The following RAPGEF1 variants were observed in gnomAD, a reference collection of about 807,000 sequenced individuals.
RAPGEF1 encodes the protein CRK SH3-binding GNRP.
RAPGEF1 carries 33 observed loss-of-function variants against 143.3 expected under a neutral mutation model. That is an observed-to-expected ratio of 0.23 (90% confidence interval 0.17 to 0.31). The LOEUF is 0.31. RAPGEF1 is among the 10% of genes least tolerant of loss of function. The pLI is 1.00. For synonymous variants in RAPGEF1, 629 were observed against 676.5 expected (o/e 0.93, Z 1.09); for missense variants, 1,199 against 1,645.4 (o/e 0.73, Z 4.69).
intron 12 of RAPGEF1, among the ~76,000 whole-genome samples, 156 bp downstream of exon 12, chr9:131,618,895 G>T (rs1178394204): frequency 6.6e-6 from 1 of 152,204 alleles, no homozygotes; most frequent in East Asian, 1.9e-4. Context: ...TAAGGCCCCA[G>T]AGAACCAACC....
In RAPGEF1 at chr9:131,739,946, G is replaced by T; in HGVS notation, c.-116C>A. On this transcript the variant is annotated 5_prime_UTR_variant, in exon 1 of 27. Coordinates refer to ENST00000683357, the MANE Select transcript of RAPGEF1 (RefSeq NM_001377935.1). ...GCATGGCGGGCTCCGCGCGGCCGCG[G>T]CCCTGCGCTCGGCGACCGCGCTCCA... 1.8e-6 allele frequency: 1 copy of T among 569,754 alleles called. No individual in the cohort carries two copies. Among genetic ancestry groups the T allele is most frequent in the Non-Finnish European group, 2.2e-6 (1 of 453,580 alleles). The allele number at this position is 569,754 out of a possible 1,614,324, so 35.3% of individuals were successfully genotyped here.
In RAPGEF1 at chr9:131,625,795, C is replaced by T. The variant is rs574064654; in HGVS notation, c.1702+127G>A. The T allele has an allele frequency of 3.1e-6, 4 of 1,296,140 alleles. No individual in the cohort carries two copies. In the South Asian group the frequency reaches 4.7e-5, roughly 15 times the overall value. The allele number at this position is 1,296,140 out of a possible 1,614,324, so 80.3% of individuals were successfully genotyped here. A position where few individuals can be genotyped will look rare whatever the true frequency, so the allele number is the denominator to read the frequency against. On this transcript the variant is annotated intron_variant, in intron 10 of 26. Coordinates refer to ENST00000683357, the MANE Select transcript of RAPGEF1 (RefSeq NM_001377935.1). ...CTGGCTCCCAGAAGTGTCCACATAC[C>T]TGGCTGGCCTATCTTTTATGAAATA...
chr9:131,627,888 G>A, intron 9 of RAPGEF1, 25 bp downstream of exon 9: 1 of 1,566,608 alleles, frequency 6.4e-7, no homozygotes, highest in Non-Finnish European at 8.6e-7. Context: ...AGACACGATG[G>A]AACAGGAGGA....
At chr9:131,594,414 CCTT>C (rs1954883740) in intron 17 of RAPGEF1, among the ~76,000 whole-genome samples, 1 of 152,214 alleles carries the variant, frequency 6.6e-6, no homozygotes, top group African/African-American at 2.4e-5. Flanking sequence ...GCTGACCTGA[CCTT>C]CTCCCATGCA....
chr9:131,732,642 C>T (rs1837154412), intron 1 of RAPGEF1, among the ~76,000 whole-genome samples: 1 of 152,144 alleles, frequency 6.6e-6, no homozygotes, highest in South Asian at 2.1e-4. Flanking sequence ...TAACTGCACA[C>T]CACTGATCAG....
In RAPGEF1 at chr9:131,625,979, C is replaced by G; in HGVS notation, c.1645G>C (p.Glu549Gln). The part of the protein sequence containing the change: ...VEFVGDFTAP[E>Q]STGDPEKPPP... ...GGTTTTTCTGGGTCACCGGTTGACT[C>G]AGGAGCAGTAAAATCACCCACAAAT... Residue 549 changes from glutamate (E) to glutamine (Q), a missense_variant, in exon 10 of 27, where the codon GAG becomes CAG. Physicochemically the swap from Glu to Gln is conservative, Grantham distance 29. Around this residue, in one of 6 missense-constraint regions of RAPGEF1, gnomAD observed 613 missense variants for 710.9 expected, o/e 0.86. Transcript: ENST00000683357. 6.2e-7 allele frequency: 1 copy of G among 1,605,884 alleles called. No homozygotes were observed. Among genetic ancestry groups the G allele is most frequent in the Admixed American group, 1.7e-5 (1 of 59,858 alleles).
At chr9:131,698,592 G>A (rs538350501) in intron 1 of RAPGEF1, among the ~76,000 whole-genome samples, 1 of 152,238 alleles carries the variant, frequency 6.6e-6, no homozygotes, top group Non-Finnish European at 1.5e-5. Flanking sequence ...TTAGAAGGGC[G>A]GGTAGAAGGA....
intron 1 of RAPGEF1, among the ~76,000 whole-genome samples, chr9:131,693,129 A>G (rs973415006): frequency 3.3e-5 from 5 of 152,196 alleles, no homozygotes; most frequent in African/African-American, 9.7e-5. Flanking sequence ...TGAATGGTAA[A>G]TGTTCTCTCT....
intron 1 of RAPGEF1, among the ~76,000 whole-genome samples, chr9:131,680,844 G>A (rs1175355543): frequency 2.6e-5 from 4 of 152,112 alleles, no homozygotes; most frequent in African/African-American, 7.2e-5. Context: ...TTCCTCTAGC[G>A]CCTCTGGGTT....
chr9:131,592,167 G>A lies in RAPGEF1; in HGVS notation c.2706C>T (p.Cys902=), dbSNP rs759382126. ...ETDRKDLVLY[C]EAFLTTYRTF... The stretch of plus-strand genomic sequence containing the variant: ...TCCTGTAGGTGGTCAGGAATGCCTC[G>A]CAGTACAACACCAAATCTAGAGGGA... Residue 902 remains cysteine (C), a synonymous_variant, in exon 18 of 27, where the codon TGC becomes TGT. Coordinates refer to ENST00000683357, the MANE Select transcript of RAPGEF1 (RefSeq NM_001377935.1). The A allele has an allele frequency of 6.9e-6, 11 of 1,599,256 alleles. No homozygotes were observed. Among genetic ancestry groups the A allele is most frequent in the Admixed American group, 1.7e-5 (1 of 58,108 alleles).
chr9:131,633,825 A>C (rs1026982134), intron 5 of RAPGEF1, among the ~76,000 whole-genome samples: 4 of 152,230 alleles, frequency 2.6e-5, no homozygotes, highest in Non-Finnish European at 4.4e-5. Flanking sequence ...AAATGTGCAC[A>C]TATCTGGCTA....
At chr9:131,620,405 T>C (rs1394498459) in intron 11 of RAPGEF1, among the ~76,000 whole-genome samples, 1 of 152,136 alleles carries the variant, frequency 6.6e-6, no homozygotes, top group Admixed American at 6.5e-5. Flanking sequence ...CACTCCTGGC[T>C]CTCGGCAACA....
Position 131,628,132 on chromosome 9 carries a change from T to C in RAPGEF1, c.1018-36A>G. 6.7e-7 allele frequency: 1 copy of C among 1,484,976 alleles called. No homozygotes were observed. The highest frequency in any genetic ancestry group is 9.0e-7 in the Non-Finnish European group (1 of 1,113,406). 92.0% of individuals were successfully genotyped at this position (1,484,976 alleles called of 1,614,324 possible). ...AAAAGAAAAACAAAGCCAAATCACTTCTGAGAAACGGTGGCACAGACCAGG... is the reference window on the plus strand; with the variant it reads ...AAAAGAAAAACAAAGCCAAATCACTCCTGAGAAACGGTGGCACAGACCAGG... On this transcript the variant is annotated intron_variant, in intron 8 of 26. Transcript: ENST00000683357. This position sits in a 1 kb window ranked among gnomAD's most constrained non-coding sequence, Gnocchi z 5.7.
intron 22 of RAPGEF1, among the ~76,000 whole-genome samples, chr9:131,587,077 CACACACCTGCAGAGCGAGACTCCGTCTT>C: frequency 1.5e-5 from 2 of 132,808 alleles, no homozygotes; most frequent in African/African-American, 6.0e-5. Flanking sequence ...CACACACACA[CACACACCTGCAGAGCGAGACTCCGTCTT>C]ACACACACAC....
At chr9:131,717,687 C>T (rs551286383) in intron 1 of RAPGEF1, among the ~76,000 whole-genome samples, 13 of 149,218 alleles carry the variant, frequency 8.7e-5, no homozygotes, top group East Asian at 6.0e-4. Flanking sequence ...GCAGGAGAAT[C>T]GCTTGAACCC....
intron 12 of RAPGEF1, among the ~76,000 whole-genome samples, chr9:131,615,222 G>A (rs571554657): frequency 1.2e-4 from 19 of 152,306 alleles, no homozygotes; most frequent in South Asian, 2.1e-4. Flanking sequence ...ACAGGCGCCC[G>A]CCACCATGCC....
At chr9:131,739,525 C>G (rs1056039621) in intron 1 of RAPGEF1, among the ~76,000 whole-genome samples, 29 of 151,298 alleles carry the variant, frequency 1.9e-4, no homozygotes, top group Admixed American at 7.2e-4. Flanking sequence ...CGCCCGGCCC[C>G]GGGTTGCAGG....
chr9:131,662,961 G>A (rs79731434), intron 1 of RAPGEF1, among the ~76,000 whole-genome samples: 5,421 of 151,944 alleles, frequency 0.036, 210 homozygotes, highest in East Asian at 0.089. Context: ...GAGCCTCCAC[G>A]CCTGGTTCCA....
chr9:131,695,865 G>GT (rs1834129704), intron 1 of RAPGEF1, among the ~76,000 whole-genome samples: 1 of 152,206 alleles, frequency 6.6e-6, no homozygotes, highest in African/African-American at 2.4e-5. Context: ...AAAAATCAAT[G>GT]TAACTCTGCA....
Sources: allele counts gnomAD v4.1 joint callset (sites outside exome capture counted in the v4.1 genomes callset), GRCh38; gene constraint gnomAD v4.1.1; regional missense constraint gnomAD v4.1.1; non-coding constraint Gnocchi (gnomAD v3.1); transcripts MANE v1.5; gene names NCBI Gene and HGNC (gene_info 2026-07-23, HGNC 2026-07-21).